Variants in CNTN5 observed in about 807,000 individuals in gnomAD.
CNTN5 encodes the protein contactin 5, also known as contactin-5.
In CNTN5, 77 loss-of-function variants were observed where a neutral mutation model predicts 129.1. That is an observed-to-expected ratio of 0.60 (90% confidence interval 0.50 to 0.72). CNTN5 has a LOEUF of 0.72. Ranked by LOEUF, CNTN5 falls within the 30% of genes least tolerant of loss-of-function variation. CNTN5 has a pLI of 0.00. For synonymous variants in CNTN5, 509 were observed against 465.6 expected, an observed-to-expected ratio of 1.09 and a Z score of -1.20; for missense variants, 1,478 against 1,328.8, an observed-to-expected ratio of 1.11 and a Z score of -1.75.
chr11:99,899,051 T>G (rs559282274), intron 6 of CNTN5, among the ~76,000 whole-genome samples: 1 of 152,026 alleles, frequency 6.6e-6, no homozygotes, highest in South Asian at 2.1e-4. Context: ...ATGGAAGTGC[T>G]ACTGACTTTT....
chr11:99,956,933 T>C lies in CNTN5; in HGVS notation c.801T>C (p.Tyr267=), dbSNP rs201937561. The change falls in exon 8 of 25, where the codon TAT becomes TAC. Residue 267 remains tyrosine, a synonymous_variant. Transcript: ENST00000524871. ...TCCAAACATCAGATGTTGGCAGCTA[T>C]ATTTGTCTGGTGAAAAACACAGTGA... ...SKVQTSDVGS[Y]ICLVKNTVTN... is the part of the protein sequence containing the mutation. The C allele has an allele frequency of 8.4e-5, 135 of 1,613,810 alleles. No homozygotes were observed. Among genetic ancestry groups the C allele is most frequent in the South Asian group, 1.8e-4 (16 of 91,078 alleles).
At chr11:100,111,130 T>C (rs1945646002) in intron 13 of CNTN5, among the ~76,000 whole-genome samples, 1 of 152,086 alleles carries the variant, frequency 6.6e-6, no homozygotes, top group African/African-American at 2.4e-5. Flanking sequence ...GTAGAACCTG[T>C]TCATATCAAG....
chr11:99,364,978 C>A (rs969925255), intron 2 of CNTN5, among the ~76,000 whole-genome samples: 1 of 152,040 alleles, frequency 6.6e-6, no homozygotes, highest in African/African-American at 2.4e-5. Flanking sequence ...ATTGGAGATA[C>A]AGAGACAGTA....
intron 2 of CNTN5, among the ~76,000 whole-genome samples, chr11:99,485,253 AG>A (rs774517274): frequency 3.8e-4 from 50 of 131,586 alleles, no homozygotes; most frequent in Admixed American, 7.8e-4. Context: ...TAAAAAAAAA[AG>A]GGAAGTGATT....
intron 1 of CNTN5, among the ~76,000 whole-genome samples, chr11:99,094,578 T>G (rs900384992): frequency 6.6e-6 from 1 of 151,916 alleles, no homozygotes; most frequent in Non-Finnish European, 1.5e-5. Context: ...AGCGCTAACA[T>G]GTGGCATACA....
intron 16 of CNTN5, among the ~76,000 whole-genome samples, chr11:100,232,103 G>A (rs1376062657): frequency 6.6e-6 from 1 of 151,908 alleles, no homozygotes; most frequent in African/African-American, 2.4e-5. Flanking sequence ...GCAGTGAGCC[G>A]AGATTGCATC....
chr11:99,440,901 T>C (rs1943801722), intron 2 of CNTN5, among the ~76,000 whole-genome samples: 1 of 152,176 alleles, frequency 6.6e-6, no homozygotes, highest in Non-Finnish European at 1.5e-5. Flanking sequence ...GCACACTAAT[T>C]ACGGTGAACT....
chr11:99,671,148 G>GTTTC (rs5794013), intron 3 of CNTN5, among the ~76,000 whole-genome samples: 87,591 of 125,558 alleles, frequency 0.7, 27,068 homozygotes, highest in Admixed American at 0.75. Flanking sequence ...TGTAGATTGA[G>GTTTC]TTTTTTTTTT....
chr11:99,980,682 T>C (rs1264471606), intron 8 of CNTN5, among the ~76,000 whole-genome samples: 1 of 152,166 alleles, frequency 6.6e-6, no homozygotes, highest in Non-Finnish European at 1.5e-5. Flanking sequence ...AGTCAATAAT[T>C]TATTTGATGG....
intron 4 of CNTN5, among the ~76,000 whole-genome samples, chr11:99,838,921 G>A (rs1947389583): frequency 6.6e-6 from 1 of 151,996 alleles, no homozygotes; most frequent in African/African-American, 2.4e-5. Flanking sequence ...GACACTCACG[G>A]GGAAAGAAAT....
At chr11:99,869,372 G>A (rs1948441378) in intron 6 of CNTN5, among the ~76,000 whole-genome samples, 1 of 152,068 alleles carries the variant, frequency 6.6e-6, no homozygotes, top group Admixed American at 6.6e-5. Context: ...GTTATAGATT[G>A]TTGGGTAGTA....
chr11:99,827,721 G>C (rs191317806), intron 4 of CNTN5, among the ~76,000 whole-genome samples: 10 of 152,236 alleles, frequency 6.6e-5, no homozygotes, highest in Admixed American at 2.6e-4. Context: ...CTTATTAACA[G>C]ATTGGCTCTA....
intron 1 of CNTN5, among the ~76,000 whole-genome samples, chr11:99,164,054 G>A (rs1206678012): frequency 3.9e-5 from 6 of 152,110 alleles, no homozygotes; most frequent in East Asian, 1.9e-4. Context: ...TGGGCAGGGC[G>A]CAGTGGCTCA....
chr11:99,371,606 C>T (rs1939829200), intron 2 of CNTN5, among the ~76,000 whole-genome samples: 1 of 152,020 alleles, frequency 6.6e-6, no homozygotes, highest in African/African-American at 2.4e-5. Flanking sequence ...TACAGATTAA[C>T]TTTGATATCC....
At chr11:99,716,943 T>C (rs1342743733) in intron 3 of CNTN5, among the ~76,000 whole-genome samples, 1 of 152,076 alleles carries the variant, frequency 6.6e-6, no homozygotes, top group Non-Finnish European at 1.5e-5. Flanking sequence ...TCAAGGAGTA[T>C]ACCAGGGGAG....
chr11:100,030,814 GT>G (rs1941668393), intron 9 of CNTN5, among the ~76,000 whole-genome samples: 1 of 152,126 alleles, frequency 6.6e-6, no homozygotes, highest in Admixed American at 6.5e-5. Context: ...ATAAAATCCT[GT>G]AACCATGTTA....
intron 8 of CNTN5, among the ~76,000 whole-genome samples, 173 bp downstream of exon 8, chr11:99,957,182 T>C (rs145075779): frequency 9.9e-5 from 15 of 152,226 alleles, no homozygotes; most frequent in Non-Finnish European, 1.6e-4. Context: ...AGAATAAAAG[T>C]TTAGACATAA....
At chr11:100,220,073 C>T (rs183149679) in intron 15 of CNTN5, among the ~76,000 whole-genome samples, 2 of 151,780 alleles carry the variant, frequency 1.3e-5, no homozygotes, top group Admixed American at 6.6e-5. Context: ...GTCGAGAGAT[C>T]GAGACCATCC....
chr11:100,259,782 A>G (rs1950158777), intron 17 of CNTN5, among the ~76,000 whole-genome samples: 1 of 152,202 alleles, frequency 6.6e-6, no homozygotes, highest in African/African-American at 2.4e-5. Flanking sequence ...AACCTCTGGG[A>G]CACATTTAAA....
Sources: allele counts gnomAD v4.1 joint callset (sites outside exome capture counted in the v4.1 genomes callset), GRCh38; gene constraint gnomAD v4.1.1; transcripts MANE v1.5; gene names NCBI Gene and HGNC (gene_info 2026-07-23, HGNC 2026-07-21).